Variants in DCSTAMP observed in about 807,000 individuals in gnomAD.
DCSTAMP encodes the protein dendritic cell-specific transmembrane protein.
Under a neutral mutation model 33.8 loss-of-function variants are expected in DCSTAMP, and 25 were observed. The observed-to-expected ratio is 0.74, with a 90% CI of 0.54 to 1.03. DCSTAMP has a LOEUF of 1.03. DCSTAMP is among the 50% of genes least tolerant of loss of function. The probability of loss-of-function intolerance (pLI) is 0.00; values close to 1 mark genes in which losing one functional copy is unlikely to be tolerated. For missense variants in DCSTAMP, 531 were observed against 556.8 expected (o/e 0.95, Z 0.47); for synonymous variants, 245 against 216.7 (o/e 1.13, Z -1.15).
Position 104,355,038 on chromosome 8 carries a change from T to G in DCSTAMP, c.1191T>G (p.Leu397=), listed in dbSNP as rs1588379148. The change falls in exon 3 of 4, where the codon CTT becomes CTG. Residue 397 remains leucine (L), a synonymous_variant. Transcript: ENST00000297581. ...LVMLGLLSSI[L]MQLKILVSAS... ...TGCTGGGACTGTTGTCCTCTATCCT[T>G]ATGCAACTTAAAATCCTGGTGTCAG... 6.2e-7 allele frequency: 1 copy of G among 1,614,156 alleles called. No individual in the cohort carries two copies.
At chr8:104,352,699 C>A (rs899099678) in intron 2 of DCSTAMP, among the ~76,000 whole-genome samples, 3 of 152,114 alleles carry the variant, frequency 2.0e-5, no homozygotes, top group African/African-American at 7.2e-5. Context: ...CCTGGGGGCA[C>A]AAAGATGTCT....
At chr8:104,344,844 C>G (rs1810255489) in intron 1 of DCSTAMP, among the ~76,000 whole-genome samples, 1 of 152,180 alleles carries the variant, frequency 6.6e-6, no homozygotes, top group African/African-American at 2.4e-5. Context: ...GGCTGCACCT[C>G]CACAGGAGCA....
At chr8:104,340,236 C>T (rs1405397585) in intron 1 of DCSTAMP, 1 of 152,196 alleles carries the variant, frequency 6.6e-6, no homozygotes, top group Non-Finnish European at 1.5e-5. Flanking sequence ...TCCGTAAATG[C>T]TATTCTGTTT....
At chr8:104,351,528 T>A (rs888375622) in intron 2 of DCSTAMP, among the ~76,000 whole-genome samples, 1 of 152,242 alleles carries the variant, frequency 6.6e-6, no homozygotes, top group African/African-American at 2.4e-5. Flanking sequence ...AGAGAAAGAC[T>A]ATCGCATAGG....
chr8:104,341,712 C>CCCTGTTCTGCTATTTT (rs2099382888), intron 1 of DCSTAMP, among the ~76,000 whole-genome samples: 2 of 152,322 alleles, frequency 1.3e-5, no homozygotes, highest in Non-Finnish European at 2.9e-5. Context: ...TCATCCCTAA[C>CCCTGTTCTGCTATTTT]CCTGTTCTGC....
chr8:104,354,054 T>A (rs1490958556), intron 2 of DCSTAMP, among the ~76,000 whole-genome samples: 2 of 152,298 alleles, frequency 1.3e-5, no homozygotes, highest in East Asian at 3.9e-4. Flanking sequence ...TGGCTCAATG[T>A]CATCTCCTGC....
intron 1 of DCSTAMP, among the ~76,000 whole-genome samples, chr8:104,340,766 GT>G (rs1013466326): frequency 1.4e-4 from 21 of 152,204 alleles, no homozygotes; most frequent in Non-Finnish European, 2.4e-4. Flanking sequence ...CTCTTTTCCT[GT>G]TCTGCTCTGT....
In DCSTAMP at chr8:104,356,514, A is replaced by G. The variant is rs1224778857; in HGVS notation, c.*316A>G. 1 of 178,742 alleles carries G rather than the reference A, an allele frequency of 5.6e-6. No individual in the cohort carries two copies. Among genetic ancestry groups the G allele is most frequent in the Non-Finnish European group, 1.2e-5 (1 of 85,592 alleles). 11.1% of individuals were successfully genotyped at this position (178,742 alleles called of 1,614,324 possible). A position where few individuals can be genotyped will look rare whatever the true frequency, so the allele number is the denominator to read the frequency against. On this transcript the variant is annotated 3_prime_UTR_variant, in exon 4 of 4. Transcript: ENST00000297581. The stretch of plus-strand genomic sequence containing the variant: ...AATAATGTTCAAGGAAAAGAAAACG[A>G]AAACAGTTTAAATCTCTACCACAGC...
At chr8:104,339,806 A>T (rs2099382434), upstream of DCSTAMP, 1 of 152,174 alleles carries the variant, frequency 6.6e-6, no homozygotes, top group Non-Finnish European at 1.5e-5. Flanking sequence ...ATATATCAAG[A>T]CCTACAGCCC....
At chr8:104,354,474 T>C (rs1276601760) in intron 2 of DCSTAMP, among the ~76,000 whole-genome samples, 1 of 152,192 alleles carries the variant, frequency 6.6e-6, no homozygotes, top group African/African-American at 2.4e-5. Flanking sequence ...GAAACAAGTA[T>C]TCCATGAAAA....
chr8:104,345,922 TAAC>T (rs1451884985), intron 1 of DCSTAMP, among the ~76,000 whole-genome samples: 1 of 152,194 alleles, frequency 6.6e-6, no homozygotes, highest in Non-Finnish European at 1.5e-5. Flanking sequence ...GGTCAGCTCT[TAAC>T]AGCCACTGGC....
At chr8:104,354,131 C>T (rs551157930) in intron 2 of DCSTAMP, among the ~76,000 whole-genome samples, 1 of 152,182 alleles carries the variant, frequency 6.6e-6, no homozygotes, top group Non-Finnish European at 1.5e-5. Context: ...GAATGTACCT[C>T]TCATGAGCAT....
intron 1 of DCSTAMP, among the ~76,000 whole-genome samples, chr8:104,340,115 C>T (rs2099382501): frequency 6.6e-6 from 1 of 152,132 alleles, no homozygotes; most frequent in South Asian, 2.1e-4. Context: ...CTTTATGAAT[C>T]CCCTCAGCTA....
chr8:104,355,056 G>A lies in DCSTAMP; in HGVS notation c.1209G>A (p.Leu403=), dbSNP rs779549182. ...LSSILMQLKI[L]VSASFYPSVE... ...CTATCCTTATGCAACTTAAAATCCT[G>A]GTGTCAGCATCTTTCTACCCCAGCG... The change falls in exon 3 of 4, where the codon CTG becomes CTA. Residue 403 remains leucine (L), a synonymous_variant. Transcript: ENST00000297581. 1.9e-6 allele frequency: 3 copies of A among 1,613,974 alleles called. No individual in the cohort carries two copies. The highest frequency in any genetic ancestry group is 3.3e-4 in the Middle Eastern group (2 of 6,062).
Position 104,349,466 on chromosome 8 carries a change from G to A in DCSTAMP, c.914G>A (p.Cys305Tyr), listed in dbSNP as rs1810407161. The change falls in exon 2 of 4, where the codon TGC (cysteine) becomes TAC (tyrosine). Residue 305 changes from cysteine (C) to tyrosine (Y), a missense_variant. Coordinates refer to ENST00000297581, the MANE Select transcript of DCSTAMP (RefSeq NM_030788.4). ...TTCCTCCCCATACTTATCCATCTCT[G>A]CATCTGGGTGCTGTTTGCAGCTGTA... ...LFFLPILIHL[C>Y]IWVLFAAVDY... The A allele has an allele frequency of 1.2e-6, 2 of 1,614,052 alleles. No homozygotes were observed. The highest frequency in any genetic ancestry group is 1.3e-5 in the African/African-American group (1 of 74,886).
At chr8:104,353,298 T>C (rs1449418323) in intron 2 of DCSTAMP, among the ~76,000 whole-genome samples, 2 of 152,242 alleles carry the variant, frequency 1.3e-5, no homozygotes, top group African/African-American at 4.8e-5. Flanking sequence ...TTTAGTATAC[T>C]GCTCAGGCAT....
Position 104,356,273 on chromosome 8 carries a change from C to A in DCSTAMP, c.*75C>A. 7.0e-7 allele frequency: 1 copy of A among 1,438,494 alleles called. No individual in the cohort carries two copies. Among genetic ancestry groups the A allele is most frequent in the Non-Finnish European group, 9.5e-7 (1 of 1,053,516 alleles). The allele number at this position is 1,438,494 out of a possible 1,614,324, so 89.1% of individuals were successfully genotyped here. On this transcript the variant is annotated 3_prime_UTR_variant, in exon 4 of 4. Coordinates refer to ENST00000297581, the MANE Select transcript of DCSTAMP (RefSeq NM_030788.4). Reference sequence around the variant, plus strand: ...TCTAGGATGGCAGTCACTATTCATGCCGGATAATAGAGAACTATGTGACGC... The same window carrying A: ...TCTAGGATGGCAGTCACTATTCATGACGGATAATAGAGAACTATGTGACGC...
chr8:104,349,365 G>T lies in DCSTAMP; in HGVS notation c.813G>T (p.Lys271Asn). Residue 271 changes from lysine (K) to asparagine (N), a missense_variant, in exon 2 of 4, where the codon AAG becomes AAT. By Grantham distance (94) the Lys-to-Asn change is moderately conservative. Coordinates refer to ENST00000297581, the MANE Select transcript of DCSTAMP (RefSeq NM_030788.4). ...GGCCCTGTGTGCTCCCGCTGAATAA[G>T]GAGGAAAGGAGGAAGTATGTCATCA... The part of the protein sequence containing the change: ...QQRPCVLPLN[K>N]EERRKYVIIP... The T allele has an allele frequency of 6.2e-7, 1 of 1,614,196 alleles. No individual in the cohort carries two copies. Among genetic ancestry groups the T allele is most frequent in the Non-Finnish European group, 8.5e-7 (1 of 1,180,038 alleles).
At chr8:104,340,724 A>T (rs2099382653) in intron 1 of DCSTAMP, among the ~76,000 whole-genome samples, 1 of 152,208 alleles carries the variant, frequency 6.6e-6, no homozygotes, top group Non-Finnish European at 1.5e-5. Flanking sequence ...GCTTGGGTAG[A>T]GGCAGGTTGG....
Sources: allele counts gnomAD v4.1 joint callset (sites outside exome capture counted in the v4.1 genomes callset), GRCh38; gene constraint gnomAD v4.1.1; transcripts MANE v1.5; gene names NCBI Gene and HGNC (gene_info 2026-07-23, HGNC 2026-07-21).